Variants in PAIP2B observed in about 807,000 individuals in gnomAD.
The protein encoded by PAIP2B is poly(A) binding protein interacting protein 2B.
In PAIP2B, 13 loss-of-function variants were observed where a neutral mutation model predicts 17.0. The observed-to-expected ratio is 0.76, with a 90% CI of 0.50 to 1.22. The LOEUF is 1.22. Among genes scored for constraint, PAIP2B ranks in the 50% most tolerant of loss-of-function variants. The pLI is 0.00. For missense variants in PAIP2B, 117 were observed against 144.5 expected (o/e 0.81, Z 0.98); for synonymous variants, 43 against 48.7 (o/e 0.88, Z 0.48).
intron 1 of PAIP2B, among the ~76,000 whole-genome samples, chr2:71,219,082 A>ATTTTTTTTTTTTTTTTTTT (rs568552077): frequency 8.8e-6 from 1 of 114,000 alleles, no homozygotes; most frequent in African/African-American, 3.6e-5. Flanking sequence ...CGCCTAGCTA[A>ATTTTTTTTTTTTTTTTTTT]TTTTTTTTTT....
intron 2 of PAIP2B, among the ~76,000 whole-genome samples, chr2:71,200,098 T>G (rs1297408671): frequency 6.6e-6 from 1 of 152,226 alleles, no homozygotes; most frequent in Non-Finnish European, 1.5e-5. Flanking sequence ...TGGGGGGTTG[T>G]AAGCTGTTTT....
chr2:71,218,866 G>A (rs1486727957), intron 1 of PAIP2B, among the ~76,000 whole-genome samples: 1 of 151,060 alleles, frequency 6.6e-6, no homozygotes, highest in East Asian at 1.9e-4. Context: ...AGTATAAAAA[G>A]CAGCAAACCA....
intron 1 of PAIP2B, among the ~76,000 whole-genome samples, chr2:71,204,405 TTTG>T (rs1675070093): frequency 6.6e-6 from 1 of 152,182 alleles, no homozygotes; most frequent in African/African-American, 2.4e-5. Flanking sequence ...TTAAAGGTTT[TTTG>T]TTTTTATTTT....
At chr2:71,219,880 C>T (rs766331213) in intron 1 of PAIP2B, among the ~76,000 whole-genome samples, 20 of 152,286 alleles carry the variant, frequency 1.3e-4, no homozygotes, top group Middle Eastern at 3.4e-3. Context: ...TATTCTTACT[C>T]TACTCTTCTC....
chr2:71,194,070 G>A (rs1572922316), intron 2 of PAIP2B, among the ~76,000 whole-genome samples: 1 of 152,218 alleles, frequency 6.6e-6, no homozygotes, highest in South Asian at 2.1e-4. Flanking sequence ...CTGTTCCACT[G>A]GTTTATGTGC....
At position 71,188,591 on chromosome 2, in the gene PAIP2B, A is replaced by G; in HGVS notation, c.316-56T>C. ...TAAGGCAAGCTGCATTTTAAAACTTACCCAGTCCATCATTATCAGTACCTT... is the reference window on the plus strand; with the variant it reads ...TAAGGCAAGCTGCATTTTAAAACTTGCCCAGTCCATCATTATCAGTACCTT... On this transcript the variant is annotated intron_variant, in intron 3 of 3. Transcript: ENST00000244221. 4 of 1,432,794 alleles carry G rather than the reference A, an allele frequency of 2.8e-6. No individual in the cohort carries two copies. The Admixed American group carries it at 7.7e-5, about 28-fold the overall frequency. 88.8% of individuals were successfully genotyped at this position (1,432,794 alleles called of 1,614,324 possible).
chr2:71,205,353 C>T (rs1214716744), intron 1 of PAIP2B, among the ~76,000 whole-genome samples: 1 of 152,190 alleles, frequency 6.6e-6, no homozygotes, highest in African/African-American at 2.4e-5. Context: ...AGCATTCCAA[C>T]AACTTAATTT....
chr2:71,219,416 C>T (rs989511130), intron 1 of PAIP2B, among the ~76,000 whole-genome samples: 8 of 152,032 alleles, frequency 5.3e-5, no homozygotes, highest in South Asian at 2.1e-4. Context: ...AGCCCATTTT[C>T]GGGATGTGCA....
chr2:71,187,857 C>A lies in PAIP2B; in HGVS notation c.*622G>T, dbSNP rs1674577715. ...GCCCTACCTTCTGATTTACAACTTTCAACAATCATCAAAAGTTACTGTAAA... is the reference window on the plus strand; with the variant it reads ...GCCCTACCTTCTGATTTACAACTTTAAACAATCATCAAAAGTTACTGTAAA... On this transcript the variant is annotated 3_prime_UTR_variant, in exon 4 of 4. Coordinates refer to ENST00000244221, the MANE Select transcript of PAIP2B (RefSeq NM_020459.1). The A allele has an allele frequency of 6.5e-6, 1 of 153,106 alleles. No homozygotes were observed. Among genetic ancestry groups the A allele is most frequent in the Non-Finnish European group, 1.5e-5 (1 of 68,564 alleles). The allele number at this position is 153,106 out of a possible 1,614,324, so 9.5% of individuals were successfully genotyped here.
At position 71,184,198 on chromosome 2, in the gene PAIP2B, G is replaced by A. The variant is rs763244271; in HGVS notation, c.*4281C>T. 1.3e-5 allele frequency: 2 copies of A among 152,150 alleles called. No homozygotes were observed. The highest frequency in any genetic ancestry group is 2.9e-5 in the Non-Finnish European group (2 of 68,030). The allele number at this position is 152,150 out of a possible 1,614,324, so 9.4% of individuals were successfully genotyped here. A position where few individuals can be genotyped will look rare whatever the true frequency, so the allele number is the denominator to read the frequency against. ...ATAGGAAGGTAAGATTGGGGAGAAA[G>A]CTCAGTAAATGTCACAAAAGAGACT... On this transcript the variant is annotated 3_prime_UTR_variant, in exon 4 of 4. Transcript: ENST00000244221.
rs1674602093 is a variant in PAIP2B, at chr2:71,188,533, G to T, written c.318C>A (p.Ser106Arg). ...TGGCATCTGGGTTCAGGTTACTTTT[G>T]CTCTGAAATAAGAACCAAGAGATAG... ...SEGHDSEDIL[S>R]KSNLNPDAKE... Residue 106 changes from serine to arginine, a missense_variant and splice_region_variant, in exon 4 of 4, where the codon AGC becomes AGA. By Grantham distance (110) the Ser-to-Arg change is moderately radical (BLOSUM62 -1). Coordinates refer to ENST00000244221, the MANE Select transcript of PAIP2B (RefSeq NM_020459.1). 1 of 1,606,242 alleles carries T rather than the reference G, an allele frequency of 6.2e-7. No homozygotes were observed. Among genetic ancestry groups the T allele is most frequent in the Non-Finnish European group, 8.5e-7 (1 of 1,176,170 alleles).
At chr2:71,220,689 T>C (rs1193577989) in intron 1 of PAIP2B, among the ~76,000 whole-genome samples, 2 of 152,166 alleles carry the variant, frequency 1.3e-5, no homozygotes, top group Non-Finnish European at 2.9e-5. Context: ...AGAGACAGGG[T>C]CTTGCTCTGT....
At chr2:71,209,697 C>T (rs1475929890) in intron 1 of PAIP2B, among the ~76,000 whole-genome samples, 1 of 152,200 alleles carries the variant, frequency 6.6e-6, no homozygotes, top group Non-Finnish European at 1.5e-5. Flanking sequence ...AACTTTCTAA[C>T]TTTCTAACTT....
rs527578213 is a variant in PAIP2B at position 71,185,569 on chromosome 2, A to G, written c.*2910T>C. The stretch of plus-strand genomic sequence containing the variant: ...GGTGACAGAGTGAGACTATGTCTCA[A>G]AAAAAAAGAAAAAAAAAAAAAAAAG... On this transcript the variant is annotated 3_prime_UTR_variant, in exon 4 of 4. Transcript: ENST00000244221. 4 of 144,538 alleles carry G rather than the reference A, an allele frequency of 2.8e-5. No homozygotes were observed. The highest frequency in any genetic ancestry group is 2.7e-4 in the Admixed American group (4 of 14,568). The allele number at this position is 144,538 out of a possible 1,614,324, so 9.0% of individuals were successfully genotyped here. A position where few individuals can be genotyped will look rare whatever the true frequency, so the allele number is the denominator to read the frequency against.
intron 2 of PAIP2B, among the ~76,000 whole-genome samples, chr2:71,196,499 A>C (rs1451271963): frequency 6.6e-6 from 1 of 152,092 alleles, no homozygotes; most frequent in Non-Finnish European, 1.5e-5. Context: ...TTTTGGGTGG[A>C]GACTTCTGTA....
At chr2:71,199,568 G>A (rs566424764) in intron 2 of PAIP2B, among the ~76,000 whole-genome samples, 93 of 145,568 alleles carry the variant, frequency 6.4e-4, no homozygotes, top group African/African-American at 2.3e-3. Context: ...ACCCAACTGC[G>A]TCCTTTTTTT....
intron 1 of PAIP2B, among the ~76,000 whole-genome samples, chr2:71,204,073 G>A (rs972268177): frequency 6.6e-6 from 1 of 152,016 alleles, no homozygotes; most frequent in African/African-American, 2.4e-5. Context: ...CTTAATTGTT[G>A]TTTGATATGC....
intron 1 of PAIP2B, among the ~76,000 whole-genome samples, chr2:71,206,037 C>T (rs566564217): frequency 6.6e-6 from 1 of 152,178 alleles, no homozygotes; most frequent in Non-Finnish European, 1.5e-5. Context: ...CTAAGCTACT[C>T]CCAGATTCCT....
chr2:71,213,363 A>T (rs1675348169), intron 1 of PAIP2B, among the ~76,000 whole-genome samples: 1 of 152,228 alleles, frequency 6.6e-6, no homozygotes, highest in Non-Finnish European at 1.5e-5. Flanking sequence ...AACAGTATCC[A>T]CTAGAAATCT....
Sources: allele counts gnomAD v4.1 joint callset (sites outside exome capture counted in the v4.1 genomes callset), GRCh38; gene constraint gnomAD v4.1.1; transcripts MANE v1.5; gene names NCBI Gene and HGNC (gene_info 2026-07-23, HGNC 2026-07-21).